PIGN: variants seen among roughly 807,000 people sequenced by gnomAD.
The protein encoded by PIGN is phosphatidylinositol glycan anchor biosynthesis class N, also known as GPI ethanolamine phosphate transferase 1.
Under a neutral mutation model 125.4 loss-of-function variants are expected in PIGN, and 117 were observed. That is an observed-to-expected ratio of 0.93 (90% CI 0.80 to 1.09). The LOEUF is 1.09. PIGN is among the 50% of genes least tolerant of loss of function. The pLI is 0.00. For missense variants in PIGN, 1,075 were observed against 1,094.9 expected (o/e 0.98, Z 0.26); for synonymous variants, 392 against 377.8 (o/e 1.04, Z -0.44).
intron 1 of PIGN, among the ~76,000 whole-genome samples, chr18:62,186,543 C>T (rs2038030963): frequency 6.6e-6 from 1 of 152,206 alleles, no homozygotes; most frequent in Admixed American, 6.5e-5. Context: ...CCTCAGCGTT[C>T]CCTTTTCCGT....
At chr18:62,062,322 T>C (rs775768315) in intron 30 of PIGN, among the ~76,000 whole-genome samples, 22 of 152,204 alleles carry the variant, frequency 1.4e-4, no homozygotes, top group Non-Finnish European at 2.5e-4. Flanking sequence ...GGGAAATTTA[T>C]GTAGATTTGT....
intron 30 of PIGN, among the ~76,000 whole-genome samples, chr18:62,058,412 C>T (rs545122397): frequency 5.3e-5 from 8 of 152,310 alleles, no homozygotes; most frequent in Admixed American, 2.0e-4. Context: ...CCATGCAGTT[C>T]ATGGCCTTTT....
At chr18:62,063,265 C>A (rs12959312) in intron 30 of PIGN, among the ~76,000 whole-genome samples, 3,391 of 97,824 alleles carry the variant, frequency 0.035, 221 homozygotes, top group Middle Eastern at 0.06. Flanking sequence ...TAGATTTTAG[C>A]CAAAATCTAT....
downstream of PIGN, among the ~76,000 whole-genome samples, chr18:62,040,680 G>C (rs2030342553): frequency 6.6e-6 from 1 of 152,140 alleles, no homozygotes; most frequent in African/African-American, 2.4e-5. Context: ...AGGCAAATCA[G>C]GATTTAATTG....
intron 5 of PIGN, 33 bp downstream of exon 5, chr18:62,157,654 T>A: frequency 6.3e-7 from 1 of 1,589,000 alleles, no homozygotes; most frequent in Non-Finnish European, 8.6e-7. Context: ...TGACAAATTT[T>A]TCATTTCATA....
chr18:62,164,112 T>G (rs2037048831), intron 1 of PIGN, among the ~76,000 whole-genome samples: 1 of 152,202 alleles, frequency 6.6e-6, no homozygotes, highest in African/African-American at 2.4e-5. Flanking sequence ...CACCTTTTGG[T>G]GACTGTGAGT....
At chr18:62,028,197 T>G (rs180754106) in intron 23 of PIGN, among the ~76,000 whole-genome samples, 1 of 152,342 alleles carries the variant, frequency 6.6e-6, no homozygotes, top group African/African-American at 2.4e-5. Context: ...TTTCAGGTGC[T>G]TCACGCCTTT....
At chr18:62,053,411 CA>C (rs928448492) in intron 30 of PIGN, among the ~76,000 whole-genome samples, 38 of 152,016 alleles carry the variant, frequency 2.5e-4, no homozygotes, top group African/African-American at 8.9e-4. Context: ...AAACAGAAAA[CA>C]AAAAAATAAA....
intron 1 of PIGN, among the ~76,000 whole-genome samples, chr18:62,163,999 A>G (rs548243231): frequency 3.7e-4 from 56 of 152,230 alleles, no homozygotes; most frequent in Non-Finnish European, 7.6e-4. Context: ...ATGTTGTAGC[A>G]TATCAGAATT....
intron 29 of PIGN, among the ~76,000 whole-genome samples, chr18:62,074,188 T>C (rs892646992): frequency 3.9e-5 from 6 of 152,222 alleles, no homozygotes; most frequent in African/African-American, 1.4e-4. Flanking sequence ...AAACTGTAAC[T>C]GAATATAACA....
At chr18:62,144,707 T>C (rs2036256706) in intron 10 of PIGN, among the ~76,000 whole-genome samples, 1 of 152,176 alleles carries the variant, frequency 6.6e-6, no homozygotes, top group African/African-American at 2.4e-5. Flanking sequence ...GTATGGTGAA[T>C]CTGGATGGAG....
At chr18:62,175,348 A>G (rs886092507) in intron 1 of PIGN, among the ~76,000 whole-genome samples, 13 of 152,086 alleles carry the variant, frequency 8.5e-5, no homozygotes, top group African/African-American at 3.1e-4. Flanking sequence ...CTTGTTCACT[A>G]TACTTCATTC....
intron 14 of PIGN, among the ~76,000 whole-genome samples, chr18:62,120,486 A>G (rs930824549): frequency 6.6e-6 from 1 of 152,218 alleles, no homozygotes; most frequent in Non-Finnish European, 1.5e-5. Context: ...GAAGAGCAAA[A>G]GGCACAGTGA....
intron 1 of PIGN, among the ~76,000 whole-genome samples, chr18:62,181,567 A>T (rs2037717851): frequency 6.6e-6 from 1 of 152,040 alleles, no homozygotes. Context: ...CATGTTTACC[A>T]CATTCAGCTA....
At position 62,065,290 on chromosome 18, in the gene PIGN, T is replaced by C. The variant is rs1192634798; in HGVS notation, c.2672+7383A>G. The stretch of plus-strand genomic sequence containing the variant: ...AAGGAAAGAGAAGTTGTTCTGGGAA[T>C]ACTCTGCCAATCAAGTTTTAGATGA... On this transcript the variant is annotated intron_variant, in intron 30 of 30. Coordinates refer to ENST00000640252, the MANE Select transcript of PIGN (RefSeq NM_176787.5). 3.3e-5 allele frequency among the ~76,000 whole-genome samples: 5 copies of C among 152,134 alleles called. 1 individual carries two copies. The highest frequency in any genetic ancestry group is 3.9e-4 in the East Asian group (2 of 5,194).
Position 62,151,546 on chromosome 18 carries a change from C to A in PIGN, c.549+2999G>T, listed in dbSNP as rs762369117. Among the ~76,000 whole-genome samples, 133 of 152,298 alleles carry A rather than the reference C, an allele frequency of 8.7e-4. 1 individual carries two copies. The highest frequency in any genetic ancestry group is 1.6e-3 in the Admixed American group (24 of 15,304). On this transcript the variant is annotated intron_variant, in intron 7 of 30. Coordinates refer to ENST00000640252, the MANE Select transcript of PIGN (RefSeq NM_176787.5). ...TCACCTCCCAAGGTTAAGGAGGGCA[C>A]TGTGCATGCGGGCGCCCCACCCTAA...
At chr18:62,018,082 AG>A (rs1295424510) in intron 23 of PIGN, among the ~76,000 whole-genome samples, 3 of 152,216 alleles carry the variant, frequency 2.0e-5, no homozygotes, top group Non-Finnish European at 4.4e-5. Flanking sequence ...GATAGCTAAA[AG>A]CTCAAAAGAC....
rs1437742272 is a variant in PIGN, at chr18:62,054,870, C to T, written c.2673-8891G>A. 2.0e-5 allele frequency among the ~76,000 whole-genome samples: 3 copies of T among 152,102 alleles called. No individual in the cohort carries two copies. In the East Asian group the frequency reaches 5.8e-4, roughly 29 times the overall value. ...AGTAAAAAAAGCTCCACAAACAATT[C>T]AATTAGAAAATGATCAAAAGACATG... On this transcript the variant is annotated intron_variant, in intron 30 of 30. Coordinates refer to ENST00000640252, the MANE Select transcript of PIGN (RefSeq NM_176787.5).
chr18:62,056,948 G>T (rs766258382), intron 30 of PIGN: 1 of 152,166 alleles, frequency 6.6e-6, no homozygotes, highest in Non-Finnish European at 1.5e-5. Flanking sequence ...AAAATATAAC[G>T]AATGCCTGAT....
Sources: gnomAD v4.1 joint callset for allele counts (sites outside exome capture counted in the v4.1 genomes callset) on GRCh38, gnomAD v4.1.1 for gene constraint, MANE v1.5 for transcripts, NCBI Gene and HGNC (gene_info 2026-07-23, HGNC 2026-07-21) for gene names.